The following DAZAP1 variants were observed in gnomAD, a reference collection of about 807,000 sequenced individuals.
DAZAP1 encodes the protein DAZ associated protein 1.
A neutral mutation model predicts 60.1 loss-of-function variants in DAZAP1; 6 were observed. The observed-to-expected ratio is 0.10, with a 90% CI of 0.05 to 0.20. The LOEUF (loss-of-function observed/expected upper bound fraction) is 0.20. Ranked by LOEUF, DAZAP1 falls within the 10% of genes least tolerant of loss-of-function variation. The pLI is 1.00. For synonymous variants in DAZAP1, 235 were observed against 215.9 expected (o/e 1.09, Z -0.78); for missense variants, 366 against 560.4 (o/e 0.65, Z 3.50).
rs1264086474 is a variant in DAZAP1 at position 1,425,425 on chromosome 19, C to G, written c.464-453C>G. Among the ~76,000 whole-genome samples, 1 of 152,220 alleles carries G rather than the reference C, an allele frequency of 6.6e-6. No homozygotes were observed. Among genetic ancestry groups the G allele is most frequent in the Non-Finnish European group, 1.5e-5 (1 of 68,042 alleles). On this transcript the variant is annotated intron_variant, in intron 6 of 11. Coordinates refer to ENST00000233078, the MANE Select transcript of DAZAP1 (RefSeq NM_018959.4). The surrounding 1 kb of genome is among the most constrained non-coding windows in gnomAD (Gnocchi z 5.4). ...TGGCGCATTCCACGCGGGCCCCCGG[C>G]CTGCAGGGTTCACTGGCAATCTCCC...
At position 1,422,574 on chromosome 19, in the gene DAZAP1, G is replaced by A. The variant is rs555880642; in HGVS notation, c.463+178G>A. 3.3e-5 allele frequency among the ~76,000 whole-genome samples: 5 copies of A among 152,326 alleles called. No homozygotes were observed. The South Asian group carries it at 1.0e-3, about 32-fold the overall frequency. On this transcript the variant is annotated intron_variant, in intron 6 of 11. Coordinates refer to ENST00000233078, the MANE Select transcript of DAZAP1 (RefSeq NM_018959.4). The surrounding 1 kb of genome is among the most constrained non-coding windows in gnomAD (Gnocchi z 4.5). The stretch of plus-strand genomic sequence containing the variant: ...CATGTGCACCCCATTCAGCCTGTCT[G>A]TGCTTCCCGAGGTCAGACGTCACAC...
chr19:1,423,092 G>A lies in DAZAP1; in HGVS notation c.463+696G>A, dbSNP rs1049910180. On this transcript the variant is annotated intron_variant, in intron 6 of 11. Coordinates refer to ENST00000233078, the MANE Select transcript of DAZAP1 (RefSeq NM_018959.4). This position sits in a 1 kb window ranked among gnomAD's most constrained non-coding sequence, Gnocchi z 6.8. ...ATCAGCTGCTTTTGGCCGGCCACGT[G>A]AGCAGACCTGCAGCCTGGGTCTGCC... Among the ~76,000 whole-genome samples, 1 of 151,124 alleles carries A rather than the reference G, an allele frequency of 6.6e-6. No individual in the cohort carries two copies. The highest frequency in any genetic ancestry group is 2.4e-5 in the African/African-American group (1 of 41,372).
Position 1,433,575 on chromosome 19 carries a change from G to T in DAZAP1, c.1048+885G>T. 1 of 593,182 alleles carries T rather than the reference G, an allele frequency of 1.7e-6. No homozygotes were observed. Among genetic ancestry groups the T allele is most frequent in the South Asian group, 1.9e-5 (1 of 51,888 alleles). 36.7% of individuals were successfully genotyped at this position (593,182 alleles called of 1,614,324 possible). Reference sequence around the variant, plus strand: ...TGCCCCCACGCCCAGGCCTTGGGCCGAGGTTGCCGCATGTGTGGGTTCTTG... The same window carrying T: ...TGCCCCCACGCCCAGGCCTTGGGCCTAGGTTGCCGCATGTGTGGGTTCTTG... On this transcript the variant is annotated intron_variant, in intron 11 of 11. Coordinates refer to ENST00000233078, the MANE Select transcript of DAZAP1 (RefSeq NM_018959.4). This position sits in a 1 kb window ranked among gnomAD's most constrained non-coding sequence, Gnocchi z 6.1.
chr19:1,407,824 C>T (rs2082708085), intron 1 of DAZAP1, 22 bp downstream of exon 1: 1 of 1,068,158 alleles, frequency 9.4e-7, no homozygotes, highest in Non-Finnish European at 1.1e-6. Context: ...CGGCGCGGGC[C>T]TGCGTCTCCG....
At chr19:1,430,570 C>T (rs956066631) in intron 10 of DAZAP1, among the ~76,000 whole-genome samples, 10 of 152,196 alleles carry the variant, frequency 6.6e-5, no homozygotes, top group Non-Finnish European at 1.2e-4. Flanking sequence ...AAGGGCAGCC[C>T]GGGCTCCTGC....
In DAZAP1 at chr19:1,434,114, C is replaced by A. The variant is rs537684998; in HGVS notation, c.1049-623C>A. 2 of 446,880 alleles carry A rather than the reference C, an allele frequency of 4.5e-6. No individual in the cohort carries two copies. The highest frequency in any genetic ancestry group is 2.7e-5 in the South Asian group (1 of 36,728). 27.7% of individuals were successfully genotyped at this position (446,880 alleles called of 1,614,324 possible). A position where few individuals can be genotyped will look rare whatever the true frequency, so the allele number is the denominator to read the frequency against. On this transcript the variant is annotated intron_variant, in intron 11 of 11. Coordinates refer to ENST00000233078, the MANE Select transcript of DAZAP1 (RefSeq NM_018959.4). This position sits in a 1 kb window ranked among gnomAD's most constrained non-coding sequence, Gnocchi z 8.0. ...GGGGAGCGGCGTGAGCAGCTCTGTC[C>A]TTGTAAAGACACCGCTGTCCATGCT... is the stretch of plus-strand genomic sequence containing the variant.
At chr19:1,408,607 C>T (rs2082734431) in intron 1 of DAZAP1, among the ~76,000 whole-genome samples, 1 of 149,238 alleles carries the variant, frequency 6.7e-6, no homozygotes, top group African/African-American at 2.4e-5. Context: ...TCAGCCGGGG[C>T]CTGCTGTGTT....
chr19:1,418,191 G>T lies in DAZAP1; in HGVS notation c.71-13G>T. On this transcript the variant is annotated splice_polypyrimidine_tract_variant and intron_variant, in intron 2 of 11. Coordinates refer to ENST00000233078, the MANE Select transcript of DAZAP1 (RefSeq NM_018959.4). The surrounding 1 kb of genome is among the most constrained non-coding windows in gnomAD (Gnocchi z 5.7). Reference sequence around the variant, plus strand: ...CCCTGTGTGTTTGTGTTTTCTTCCCGATTTCTGAGCAGAGACTCTGCGCAG... The same window carrying T: ...CCCTGTGTGTTTGTGTTTTCTTCCCTATTTCTGAGCAGAGACTCTGCGCAG... 1.2e-6 allele frequency: 2 copies of T among 1,613,122 alleles called. No individual in the cohort carries two copies. Among genetic ancestry groups the T allele is most frequent in the South Asian group, 2.2e-5 (2 of 91,014 alleles).
Position 1,434,631 on chromosome 19 carries a change from C to G in DAZAP1, c.1049-106C>G, listed in dbSNP as rs536353231. 7.9e-7 allele frequency: 1 copy of G among 1,261,254 alleles called. No homozygotes were observed. The highest frequency in any genetic ancestry group is 2.5e-5 in the East Asian group (1 of 39,854). 78.1% of individuals were successfully genotyped at this position (1,261,254 alleles called of 1,614,324 possible). A position where few individuals can be genotyped will look rare whatever the true frequency, so the allele number is the denominator to read the frequency against. On this transcript the variant is annotated intron_variant, in intron 11 of 11. Coordinates refer to ENST00000233078, the MANE Select transcript of DAZAP1 (RefSeq NM_018959.4). The surrounding 1 kb of genome is among the most constrained non-coding windows in gnomAD (Gnocchi z 8.0). ...GGCCCCACCCGCACCCCGTGGGACCCGTGGACTCAAGGCAGGCTCGGCGGA... is the reference window on the plus strand; with the variant it reads ...GGCCCCACCCGCACCCCGTGGGACCGGTGGACTCAAGGCAGGCTCGGCGGA...
chr19:1,434,554 G>A lies in DAZAP1; in HGVS notation c.1049-183G>A. The A allele has an allele frequency of 1.7e-6, 1 of 582,374 alleles. No individual in the cohort carries two copies. The highest frequency in any genetic ancestry group is 3.0e-6 in the Non-Finnish European group (1 of 330,244). The allele number at this position is 582,374 out of a possible 1,614,324, so 36.1% of individuals were successfully genotyped here. A position where few individuals can be genotyped will look rare whatever the true frequency, so the allele number is the denominator to read the frequency against. ...GTGCCCCTGCTCACATGTTTTTGAG[G>A]GAGAGAACATGCCCGGGGTCCTCTC... is the stretch of plus-strand genomic sequence containing the variant. On this transcript the variant is annotated intron_variant, in intron 11 of 11. Coordinates refer to ENST00000233078, the MANE Select transcript of DAZAP1 (RefSeq NM_018959.4). The surrounding 1 kb of genome is among the most constrained non-coding windows in gnomAD (Gnocchi z 8.0).
chr19:1,421,918 G>A (rs1485199561), intron 5 of DAZAP1, among the ~76,000 whole-genome samples: 1 of 152,178 alleles, frequency 6.6e-6, no homozygotes, highest in African/African-American at 2.4e-5. Context: ...CTGCAGAGGA[G>A]CTGTGTGTGG....
chr19:1,408,924 G>T (rs890470578), intron 1 of DAZAP1, among the ~76,000 whole-genome samples: 7 of 152,264 alleles, frequency 4.6e-5, no homozygotes, highest in East Asian at 1.9e-4. Flanking sequence ...GGTGCCCTTA[G>T]CTTTGAGCAG....
Position 1,432,491 on chromosome 19 carries a change from C to G in DAZAP1, c.872-23C>G. The G allele has an allele frequency of 6.2e-7, 1 of 1,613,450 alleles. No individual in the cohort carries two copies. Among genetic ancestry groups the G allele is most frequent in the Non-Finnish European group, 8.5e-7 (1 of 1,179,850 alleles). ...CCCAGCTGCACAACGTGTCTTGTGCCTTGCCCTCTTGTACCTCTGCAGGTT... is the reference window on the plus strand; with the variant it reads ...CCCAGCTGCACAACGTGTCTTGTGCGTTGCCCTCTTGTACCTCTGCAGGTT... On this transcript the variant is annotated intron_variant, in intron 10 of 11. Coordinates refer to ENST00000233078, the MANE Select transcript of DAZAP1 (RefSeq NM_018959.4). This position sits in a 1 kb window ranked among gnomAD's most constrained non-coding sequence, Gnocchi z 4.9.
intron 1 of DAZAP1, 80 bp downstream of exon 1, chr19:1,407,882 C>T: frequency 9.8e-7 from 1 of 1,023,736 alleles, no homozygotes; most frequent in Non-Finnish European, 1.2e-6. Flanking sequence ...CAGACGCCGC[C>T]CCCCGGGGCC....
rs927895244 is a variant in DAZAP1 at position 1,407,744 on chromosome 19, G to A, written c.-30G>A. On this transcript the variant is annotated 5_prime_UTR_variant, in exon 1 of 12. Coordinates refer to ENST00000233078, the MANE Select transcript of DAZAP1 (RefSeq NM_018959.4). ...AGGCGGGAGCGAGCGAGGAGGCCCG[G>A]GAGCGCCGAGCGTCGCCGCCGCCGC... is the stretch of plus-strand genomic sequence containing the variant. The A allele has an allele frequency of 4.6e-6, 5 of 1,085,120 alleles. No individual in the cohort carries two copies. Among genetic ancestry groups the A allele is most frequent in the Non-Finnish European group, 5.6e-6 (5 of 895,484 alleles). The allele number at this position is 1,085,120 out of a possible 1,614,324, so 67.2% of individuals were successfully genotyped here. A position where few individuals can be genotyped will look rare whatever the true frequency, so the allele number is the denominator to read the frequency against.
chr19:1,424,973 G>C (rs759980416), intron 6 of DAZAP1, among the ~76,000 whole-genome samples: 1 of 152,202 alleles, frequency 6.6e-6, no homozygotes, highest in Non-Finnish European at 1.5e-5. Context: ...GCCGGGGGCC[G>C]CGCCCACCCC....
chr19:1,424,329 TC>T (rs1569077933), intron 6 of DAZAP1, among the ~76,000 whole-genome samples: 3 of 108,698 alleles, frequency 2.8e-5, no homozygotes, highest in African/African-American at 1.1e-4. Flanking sequence ...CTCCTCCTCT[TC>T]CCCCTCCCCC....
chr19:1,412,214 G>C (rs145069256), intron 1 of DAZAP1, among the ~76,000 whole-genome samples: 33 of 152,180 alleles, frequency 2.2e-4, no homozygotes, highest in Middle Eastern at 3.4e-3. Flanking sequence ...TGGGCTGGAG[G>C]GGGGGCATCT....
In DAZAP1 at chr19:1,428,732, T is replaced by G; in HGVS notation, c.547-110T>G. 2 of 1,317,298 alleles carry G rather than the reference T, an allele frequency of 1.5e-6. No individual in the cohort carries two copies. The highest frequency in any genetic ancestry group is 2.1e-6 in the Non-Finnish European group (2 of 951,128). The allele number at this position is 1,317,298 out of a possible 1,614,324, so 81.6% of individuals were successfully genotyped here. ...AAGGTTTATAGTTAAGTATTTAGTC[T>G]TAAGTTGTAAGATGCTAAGTGTAGT... On this transcript the variant is annotated intron_variant, in intron 7 of 11. Transcript: ENST00000233078. The surrounding 1 kb of genome is among the most constrained non-coding windows in gnomAD (Gnocchi z 4.0).
Sources: gnomAD v4.1 joint callset for allele counts (sites outside exome capture counted in the v4.1 genomes callset) on GRCh38, gnomAD v4.1.1 for gene constraint, Gnocchi (gnomAD v3.1) non-coding constraint, MANE v1.5 for transcripts, NCBI Gene and HGNC (gene_info 2026-07-23, HGNC 2026-07-21) for gene names.